The following SHISA9 variants were observed in gnomAD, a reference collection of about 807,000 sequenced individuals.
SHISA9 encodes the protein shisa family member 9.
SHISA9 carries 13 observed loss-of-function variants against 38.0 expected under a neutral mutation model. The observed-to-expected ratio is 0.34, with a 90% CI of 0.22 to 0.54. The LOEUF (loss-of-function observed/expected upper bound fraction) is 0.54, where lower values mean the gene tolerates loss of function less well. SHISA9 is among the 20% of genes least tolerant of loss of function. The pLI is 0.91. For missense variants in SHISA9, 538 were observed against 575.8 expected, an observed-to-expected ratio of 0.93 and a Z score of 0.67; for synonymous variants, 275 against 242.0, an observed-to-expected ratio of 1.14 and a Z score of -1.27.
chr16:13,492,252 G>A, the SHISA9 span, among the ~76,000 whole-genome samples: 5 of 152,128 alleles, frequency 3.3e-5, no homozygotes, highest in Non-Finnish European at 7.3e-5. Context: ...TGGGGAAAAT[G>A]TGCTGGAGCC....
intron 2 of SHISA9, among the ~76,000 whole-genome samples, chr16:13,080,067 C>G (rs985402690): frequency 6.6e-6 from 1 of 152,020 alleles, no homozygotes; most frequent in Non-Finnish European, 1.5e-5. Context: ...GATTATTGGA[C>G]CATCTTGTAA....
chr16:13,069,913 C>T (rs890276622), intron 2 of SHISA9, among the ~76,000 whole-genome samples: 118 of 152,068 alleles, frequency 7.8e-4, no homozygotes, highest in African/African-American at 2.2e-3. Flanking sequence ...TCATCAGACA[C>T]CTAATCTGCC....
the SHISA9 span, among the ~76,000 whole-genome samples, chr16:13,388,743 G>A: frequency 8.7e-4 from 131 of 151,364 alleles, no homozygotes; most frequent in Non-Finnish European, 1.3e-3. Flanking sequence ...CATCGTAGAT[G>A]TTCTATCCTC....
downstream of SHISA9, among the ~76,000 whole-genome samples, chr16:13,241,180 G>C (rs1322632350): frequency 6.6e-6 from 1 of 152,170 alleles, no homozygotes; most frequent in Non-Finnish European, 1.5e-5. Flanking sequence ...GACACTCCTA[G>C]GCTGTCATGT....
chr16:12,912,768 C>G (rs865838043), intron 1 of SHISA9, among the ~76,000 whole-genome samples: 1 of 152,174 alleles, frequency 6.6e-6, no homozygotes, highest in East Asian at 1.9e-4. Context: ...AGTGAGTTCA[C>G]GTGGGCAGTA....
the SHISA9 span, among the ~76,000 whole-genome samples, chr16:13,479,370 C>T: frequency 6.6e-6 from 1 of 152,112 alleles, no homozygotes; most frequent in Non-Finnish European, 1.5e-5. Flanking sequence ...GCTTTGGATG[C>T]CCTTATTCAG....
chr16:13,274,289 T>A, the SHISA9 span, among the ~76,000 whole-genome samples: 6 of 152,212 alleles, frequency 3.9e-5, no homozygotes, highest in Admixed American at 1.3e-4. Context: ...CTTACATGAA[T>A]CCTTTTTGAT....
At chr16:13,395,909 C>T in the SHISA9 span, among the ~76,000 whole-genome samples, 6 of 152,092 alleles carry the variant, frequency 3.9e-5, no homozygotes, top group South Asian at 6.2e-4. Flanking sequence ...GTTTAGGTAA[C>T]GTGTTCAGGG....
At chr16:13,013,964 C>T (rs1387499422) in intron 2 of SHISA9, among the ~76,000 whole-genome samples, 4 of 152,084 alleles carry the variant, frequency 2.6e-5, no homozygotes, top group Non-Finnish European at 5.9e-5. Context: ...CTCCTGACCT[C>T]GTGATCTGCC....
At chr16:13,143,208 C>T (rs890159154) in intron 2 of SHISA9, among the ~76,000 whole-genome samples, 2 of 151,882 alleles carry the variant, frequency 1.3e-5, no homozygotes, top group African/African-American at 2.4e-5. Context: ...CAGGGTTTCA[C>T]CATGTTGGCC....
the SHISA9 span, among the ~76,000 whole-genome samples, chr16:13,431,001 G>A: frequency 6.6e-6 from 1 of 152,094 alleles, no homozygotes; most frequent in Non-Finnish European, 1.5e-5. Context: ...TGCAGAAGCA[G>A]AGAAGGTCTC....
chr16:13,369,849 C>T, the SHISA9 span, among the ~76,000 whole-genome samples: 1 of 151,940 alleles, frequency 6.6e-6, no homozygotes, highest in Non-Finnish European at 1.5e-5. Flanking sequence ...ATTAGCAACA[C>T]CCAGGTTGCT....
At chr16:13,546,273 C>A in the SHISA9 span, among the ~76,000 whole-genome samples, 4 of 152,166 alleles carry the variant, frequency 2.6e-5, no homozygotes, top group Non-Finnish European at 5.9e-5. Flanking sequence ...CTGCTTCTTC[C>A]CACCCTTCCA....
At chr16:13,309,679 T>C in the SHISA9 span, among the ~76,000 whole-genome samples, 13 of 141,294 alleles carry the variant, frequency 9.2e-5, no homozygotes, top group African/African-American at 2.6e-5. Context: ...GGAGAAAAAA[T>C]AGTTAACATG....
intron 2 of SHISA9, among the ~76,000 whole-genome samples, chr16:13,110,215 T>C (rs181685560): frequency 2.0e-5 from 3 of 152,340 alleles, no homozygotes; most frequent in Non-Finnish European, 4.4e-5. Flanking sequence ...GGTCCTTCCA[T>C]GCCCAGCCAT....
chr16:13,076,733 T>G (rs1310481326), intron 2 of SHISA9, among the ~76,000 whole-genome samples: 1 of 152,218 alleles, frequency 6.6e-6, no homozygotes, highest in South Asian at 2.1e-4. Context: ...GGCAATAGCC[T>G]CTTGCAGTGA....
chr16:13,102,820 A>G (rs2141958739), intron 2 of SHISA9, among the ~76,000 whole-genome samples: 1 of 152,234 alleles, frequency 6.6e-6, no homozygotes, highest in Middle Eastern at 3.4e-3. Flanking sequence ...CTGTTCCGGG[A>G]AAAATAACTA....
At chr16:13,189,588 A>C (rs570070302) in intron 2 of SHISA9, among the ~76,000 whole-genome samples, 6 of 152,318 alleles carry the variant, frequency 3.9e-5, no homozygotes, top group Non-Finnish European at 5.9e-5. Context: ...TGAGTACACG[A>C]CTTTTGTCTG....
chr16:13,367,898 AATTTT>A, the SHISA9 span, among the ~76,000 whole-genome samples: 19 of 151,520 alleles, frequency 1.3e-4, no homozygotes, highest in African/African-American at 4.4e-4. Flanking sequence ...TTTATTTTTT[AATTTT>A]ATTTTATTTA....
Sources: gnomAD v4.1 joint callset for allele counts (sites outside exome capture counted in the v4.1 genomes callset) on GRCh38, gnomAD v4.1.1 for gene constraint, MANE v1.5 for transcripts, NCBI Gene and HGNC (gene_info 2026-07-23, HGNC 2026-07-21) for gene names.